GSE1: variants seen among roughly 807,000 people sequenced by gnomAD.
The protein encoded by GSE1 is Gse1 coiled-coil protein.
In GSE1, 32 loss-of-function variants were observed where a neutral mutation model predicts 112.6. The ratio of observed to expected loss-of-function variants is 0.28; its 90% CI spans 0.21 to 0.38. The LOEUF is 0.38. GSE1 is among the 10% of genes least tolerant of loss of function. GSE1 has a pLI of 1.00. For missense variants in GSE1, 2,348 were observed against 1,699.2 expected (o/e 1.38, Z -6.71); for synonymous variants, 1,115 against 735.6 (o/e 1.52, Z -8.35).
chr16:85,572,139 CACACACA>C (rs959132631), intron 1 of GSE1, among the ~76,000 whole-genome samples: 3 of 148,698 alleles, frequency 2.0e-5, no homozygotes, highest in African/African-American at 7.5e-5. Context: ...CACCACATAC[CACACACA>C]ACACACCACA....
chr16:85,361,591 T>A (rs920025769), intron 2 of GSE1, among the ~76,000 whole-genome samples: 2 of 152,070 alleles, frequency 1.3e-5, no homozygotes, highest in African/African-American at 4.8e-5. Flanking sequence ...GCAGTGGGGG[T>A]GGCCAGGGCA....
chr16:85,555,104 AGCCGCC>A (rs907578368), upstream of GSE1: 31 of 984,930 alleles, frequency 3.1e-5, no homozygotes, highest in African/African-American at 3.5e-4. Context: ...AGACGGAAGG[AGCCGCC>A]GCCGCCGCCG....
intron 11 of GSE1, 134 bp downstream of exon 11, chr16:85,663,748 G>T (rs546812855): frequency 1.8e-5 from 16 of 873,700 alleles, no homozygotes; most frequent in Non-Finnish European, 2.7e-5. Flanking sequence ...TACTCCTCCC[G>T]GCTCCCGGGA....
intron 1 of GSE1, among the ~76,000 whole-genome samples, chr16:85,574,072 G>T (rs973448910): frequency 5.3e-5 from 8 of 152,248 alleles, no homozygotes; most frequent in Admixed American, 1.3e-4. Context: ...GGGCGGGGGC[G>T]CCAGGCCTCC....
At chr16:85,650,306 G>A (rs1268555592) in intron 3 of GSE1, among the ~76,000 whole-genome samples, 3 of 152,242 alleles carry the variant, frequency 2.0e-5, no homozygotes, top group Non-Finnish European at 2.9e-5. Flanking sequence ...TTGACCCCAT[G>A]GGCCCTGAAT....
rs1315649189 is a variant in GSE1 at position 85,632,506 on chromosome 16, A to G, written c.8-1408A>G. Among the ~76,000 whole-genome samples, 4 of 152,148 alleles carry G rather than the reference A, an allele frequency of 2.6e-5. No homozygotes were observed. In the East Asian group the frequency reaches 7.7e-4, roughly 29 times the overall value. On this transcript the variant is annotated intron_variant, in intron 1 of 15. Coordinates refer to ENST00000253458, the MANE Select transcript of GSE1 (RefSeq NM_014615.5). ...CGGCCTTTGGTGGCAAGTTCTGGGG[A>G]TAGCAGGTGGACAAAGGAGGTCTTG... is the stretch of plus-strand genomic sequence containing the variant.
At chr16:85,211,853 G>A (rs989277633) in intron 1 of GSE1, among the ~76,000 whole-genome samples, 16 of 152,242 alleles carry the variant, frequency 1.1e-4, no homozygotes, top group Non-Finnish European at 7.3e-5. Flanking sequence ...GGGGCAGAGC[G>A]ATTTCCAGCA....
At chr16:85,477,536 C>A (rs1351197708) in intron 2 of GSE1, among the ~76,000 whole-genome samples, 2 of 131,392 alleles carry the variant, frequency 1.5e-5, no homozygotes, top group Non-Finnish European at 3.3e-5. Context: ...CACTTTCCAG[C>A]TGCAGAAAAA....
At position 85,654,423 on chromosome 16, in the gene GSE1, T is replaced by G. The variant is rs892626992; in HGVS notation, c.572T>G (p.Val191Gly). 11 of 1,576,724 alleles carry G rather than the reference T, an allele frequency of 7.0e-6. No homozygotes were observed. Among genetic ancestry groups the G allele is most frequent in the Admixed American group, 5.4e-5 (3 of 55,468 alleles). The change falls in exon 4 of 16, where the codon GTG becomes GGG. Residue 191 changes from valine (V) to glycine (G), a missense_variant. Physicochemically the swap from Val to Gly is moderately radical, Grantham distance 109. Coordinates refer to ENST00000253458, the MANE Select transcript of GSE1 (RefSeq NM_014615.5). ...YPFGLSPSSV[V>G]QDSRFPPLNL... is the part of the protein sequence containing the mutation. ...TTCGGCCTCTCCCCCAGCTCAGTTG[T>G]GCAGGATTCCCGCTTCCCGCCACTC...
chr16:85,176,890 G>C (rs945845716), intron 1 of GSE1, among the ~76,000 whole-genome samples: 1 of 152,248 alleles, frequency 6.6e-6, no homozygotes, highest in Non-Finnish European at 1.5e-5. Context: ...CTGCTCCTCA[G>C]GGGGCCTGGC....
chr16:85,546,385 T>C (rs569345287), intron 2 of GSE1, among the ~76,000 whole-genome samples: 2 of 152,322 alleles, frequency 1.3e-5, no homozygotes, highest in African/African-American at 4.8e-5. Flanking sequence ...CCGCCCGGCC[T>C]GTGTTGTTAG....
intron 1 of GSE1, among the ~76,000 whole-genome samples, chr16:85,272,802 G>A (rs1488948484): frequency 6.9e-6 from 1 of 144,472 alleles, no homozygotes; most frequent in Non-Finnish European, 1.5e-5. Context: ...TTTTGACGGA[G>A]TTTCACTCTT....
chr16:85,347,723 G>T (rs1346909601), intron 1 of GSE1, among the ~76,000 whole-genome samples: 1 of 152,208 alleles, frequency 6.6e-6, no homozygotes, highest in African/African-American at 2.4e-5. Flanking sequence ...CCCCTGCAGG[G>T]ACAAGCTCAG....
At chr16:85,609,845 C>G (rs923815563), upstream of GSE1, among the ~76,000 whole-genome samples, 2 of 152,078 alleles carry the variant, frequency 1.3e-5, no homozygotes, top group African/African-American at 4.8e-5. Context: ...TTAATAGAGA[C>G]AGGGTTTTGC....
chr16:85,273,395 GA>G (rs1341828305), intron 1 of GSE1, among the ~76,000 whole-genome samples: 1 of 152,208 alleles, frequency 6.6e-6, no homozygotes, highest in African/African-American at 2.4e-5. Context: ...CCAAAAGGTG[GA>G]AACACCTCAT....
intron 1 of GSE1, among the ~76,000 whole-genome samples, chr16:85,289,681 T>C (rs1384873146): frequency 6.6e-6 from 1 of 151,928 alleles, no homozygotes; most frequent in Non-Finnish European, 1.5e-5. Context: ...TACAGGAGGG[T>C]GCAGAGGACG....
intron 2 of GSE1, among the ~76,000 whole-genome samples, chr16:85,462,000 G>C (rs961860602): frequency 1.3e-5 from 2 of 152,236 alleles, no homozygotes; most frequent in Non-Finnish European, 2.9e-5. Flanking sequence ...TAGAGCCTCG[G>C]TGCTCACAGC....
At chr16:85,321,330 C>T (rs1018953637) in intron 1 of GSE1, among the ~76,000 whole-genome samples, 2 of 152,086 alleles carry the variant, frequency 1.3e-5, no homozygotes, top group African/African-American at 2.4e-5. Context: ...GAGAGGAGGG[C>T]GAAGAAGGGA....
intron 2 of GSE1, among the ~76,000 whole-genome samples, chr16:85,480,094 C>T (rs546124603): frequency 6.6e-6 from 1 of 152,220 alleles, no homozygotes; most frequent in Non-Finnish European, 1.5e-5. Flanking sequence ...ACTCTCACAA[C>T]ATCCTCAACG....
Sources: allele counts gnomAD v4.1 joint callset (sites outside exome capture counted in the v4.1 genomes callset), GRCh38; gene constraint gnomAD v4.1.1; transcripts MANE v1.5; gene names NCBI Gene and HGNC (gene_info 2026-07-23, HGNC 2026-07-21).